The following ANGPTL5 variants were observed in gnomAD, a reference collection of about 807,000 sequenced individuals.
The protein encoded by ANGPTL5 is angiopoietin like 5.
In ANGPTL5, 34 loss-of-function variants were observed where a neutral mutation model predicts 39.4. The observed-to-expected ratio is 0.86, with a 90% CI of 0.66 to 1.15. The LOEUF (loss-of-function observed/expected upper bound fraction) is 1.15, where lower values mean the gene tolerates loss of function less well. Ranked by LOEUF, ANGPTL5 falls within the 50% of genes most tolerant of loss-of-function variation. ANGPTL5 has a pLI of 0.00. For synonymous variants in ANGPTL5, 146 were observed against 152.1 expected (o/e 0.96, Z 0.29); for missense variants, 467 against 457.5 (o/e 1.02, Z -0.19).
In ANGPTL5 at chr11:101,891,143, T is replaced by C. The variant is rs1226761667; in HGVS notation, c.*136A>G. 2.6e-6 allele frequency: 2 copies of C among 766,858 alleles called. No homozygotes were observed. The highest frequency in any genetic ancestry group is 2.0e-6 in the Non-Finnish European group (1 of 501,568). 47.5% of individuals were successfully genotyped at this position (766,858 alleles called of 1,614,324 possible). A position where few individuals can be genotyped will look rare whatever the true frequency, so the allele number is the denominator to read the frequency against. The stretch of plus-strand genomic sequence containing the variant: ...ATACTACAAAATTGAAGTTTTCTAA[T>C]TAAACTCATAACATCTAAATGCCAT... On this transcript the variant is annotated 3_prime_UTR_variant, in exon 9 of 9. Coordinates refer to ENST00000334289, the MANE Select transcript of ANGPTL5 (RefSeq NM_178127.5).
chr11:101,912,047 C>T (rs1940099935), intron 1 of ANGPTL5, among the ~76,000 whole-genome samples: 1 of 152,238 alleles, frequency 6.6e-6, no homozygotes, highest in South Asian at 2.1e-4. Context: ...CACTATCCCA[C>T]TTTCCATGTA....
At chr11:101,911,578 G>C (rs1055348452) in intron 1 of ANGPTL5, among the ~76,000 whole-genome samples, 1 of 152,066 alleles carries the variant, frequency 6.6e-6, no homozygotes, top group African/African-American at 2.4e-5. Context: ...AAAAGTGTGT[G>C]GCACCTCCCC....
At position 101,906,384 on chromosome 11, in the gene ANGPTL5, A is replaced by G. The variant is rs570439559; in HGVS notation, c.242-537T>C. On this transcript the variant is annotated intron_variant, in intron 3 of 8. Transcript: ENST00000334289. ...TTTGGTTTCTGACTAAACATTTACT[A>G]TACATTTTCCTTTTAAAAATGTTTT... is the stretch of plus-strand genomic sequence containing the variant. 1.6e-4 allele frequency among the ~76,000 whole-genome samples: 24 copies of G among 152,316 alleles called. No homozygotes were observed. In the East Asian group the frequency reaches 3.9e-3, roughly 24 times the overall value.
rs563470306 is a variant in ANGPTL5, at chr11:101,907,367, A to C, written c.97-120T>G. The C allele has an allele frequency of 6.3e-6, 4 of 633,026 alleles. No homozygotes were observed. In the East Asian group the frequency reaches 1.2e-4, roughly 19 times the overall value. The allele number at this position is 633,026 out of a possible 1,614,324, so 39.2% of individuals were successfully genotyped here. A position where few individuals can be genotyped will look rare whatever the true frequency, so the allele number is the denominator to read the frequency against. On this transcript the variant is annotated intron_variant, in intron 2 of 8. Coordinates refer to ENST00000334289, the MANE Select transcript of ANGPTL5 (RefSeq NM_178127.5). ...TTCAGGAAAGACAAGGCTGATCATT[A>C]GAGAGAAATATAAGCTATTTAATTC...
intron 1 of ANGPTL5, among the ~76,000 whole-genome samples, chr11:101,912,521 A>G (rs530000057): frequency 2.6e-5 from 4 of 152,356 alleles, no homozygotes; most frequent in Non-Finnish European, 5.9e-5. Context: ...CAACTTAAAT[A>G]GAATGTGGAA....
chr11:101,907,084 G>A lies in ANGPTL5; in HGVS notation c.241+19C>T. On this transcript the variant is annotated intron_variant, in intron 3 of 8. Coordinates refer to ENST00000334289, the MANE Select transcript of ANGPTL5 (RefSeq NM_178127.5). The stretch of plus-strand genomic sequence containing the variant: ...ATGAATCATATACTCTTATTATTTT[G>A]TTTATTTTTAATACTTACTACACAT... 6.7e-7 allele frequency: 1 copy of A among 1,492,934 alleles called. No individual in the cohort carries two copies. Among genetic ancestry groups the A allele is most frequent in the Non-Finnish European group, 9.2e-7 (1 of 1,084,186 alleles). The allele number at this position is 1,492,934 out of a possible 1,614,324, so 92.5% of individuals were successfully genotyped here. A position where few individuals can be genotyped will look rare whatever the true frequency, so the allele number is the denominator to read the frequency against.
At chr11:101,909,137 C>T (rs1940049959) in intron 1 of ANGPTL5, among the ~76,000 whole-genome samples, 1 of 152,194 alleles carries the variant, frequency 6.6e-6, no homozygotes, top group Non-Finnish European at 1.5e-5. Flanking sequence ...GACTGATACA[C>T]AAGAGGCACT....
At chr11:101,894,811 A>T in intron 8 of ANGPTL5, 68 bp downstream of exon 8, 1 of 1,373,598 alleles carries the variant, frequency 7.3e-7, no homozygotes, top group Non-Finnish European at 1.0e-6. Context: ...CATTATTTTT[A>T]TCTTCACTTA....
chr11:101,906,668 T>A (rs1348660565), intron 3 of ANGPTL5, among the ~76,000 whole-genome samples: 1 of 152,146 alleles, frequency 6.6e-6, no homozygotes, highest in African/African-American at 2.4e-5. Flanking sequence ...CACACACTAT[T>A]ACGTATGTTA....
chr11:101,903,373 A>G (rs1346818845), intron 5 of ANGPTL5, among the ~76,000 whole-genome samples: 2 of 152,148 alleles, frequency 1.3e-5, no homozygotes, highest in African/African-American at 4.8e-5. Context: ...TATGGATATT[A>G]CATTTTCTGG....
Position 101,902,714 on chromosome 11 carries a change from A to C in ANGPTL5, c.447T>G (p.Asp149Glu), listed in dbSNP as rs1198414610. The change falls in exon 6 of 9, where the codon GAT (aspartate) becomes GAG (glutamate). Residue 149 changes from aspartate (D) to glutamate (E), a missense_variant. Coordinates refer to ENST00000334289, the MANE Select transcript of ANGPTL5 (RefSeq NM_178127.5). ...CAATGGTATCCTTAATATCAGTGCAATCTAAACCTAGAAAAGCAAAATTAT... is the reference window on the plus strand; with the variant it reads ...CAATGGTATCCTTAATATCAGTGCACTCTAAACCTAGAAAAGCAAAATTAT... ...PHRPVQSHGL[D>E]CTDIKDTIGS... is the part of the protein sequence containing the mutation. 2 of 1,607,202 alleles carry C rather than the reference A, an allele frequency of 1.2e-6. No individual in the cohort carries two copies. The highest frequency in any genetic ancestry group is 1.7e-5 in the Admixed American group (1 of 59,916).
At position 101,907,253 on chromosome 11, in the gene ANGPTL5, T is replaced by C. The variant is rs150230821; in HGVS notation, c.97-6A>G. 3 of 1,431,962 alleles carry C rather than the reference T, an allele frequency of 2.1e-6. No homozygotes were observed. Among genetic ancestry groups the C allele is most frequent in the African/African-American group, 2.9e-5 (2 of 69,336 alleles). 88.7% of individuals were successfully genotyped at this position (1,431,962 alleles called of 1,614,324 possible). A position where few individuals can be genotyped will look rare whatever the true frequency, so the allele number is the denominator to read the frequency against. The stretch of plus-strand genomic sequence containing the variant: ...ATGTTAACTACTGAAGAGTCCTTTA[T>C]ATTAAAAAATAGAAATAAGAAAAAA... On this transcript the variant is annotated splice_region_variant and splice_polypyrimidine_tract_variant and intron_variant, in intron 2 of 8. Transcript: ENST00000334289.
chr11:101,904,718 G>T, intron 5 of ANGPTL5, 96 bp downstream of exon 5: 1 of 1,131,186 alleles, frequency 8.8e-7, no homozygotes, highest in Non-Finnish European at 1.3e-6. Context: ...GTGAGCTGTA[G>T]TTTTTAAATA....
In ANGPTL5 at chr11:101,891,594, A is replaced by C; in HGVS notation, c.852T>G (p.Asp284Glu). 1 of 1,613,838 alleles carries C rather than the reference A, an allele frequency of 6.2e-7. No homozygotes were observed. Among genetic ancestry groups the C allele is most frequent in the Non-Finnish European group, 8.5e-7 (1 of 1,179,886 alleles). ...HLGRYSGNAG[D>E]AFRGLKKEDN... is the part of the protein sequence containing the mutation. ...CTTCTTTTTTGAGACCCCGGAATGC[A>C]TCACCTGGGAAAAAAATTTTTAATG... is the stretch of plus-strand genomic sequence containing the variant. The change falls in exon 9 of 9, where the codon GAT (aspartate) becomes GAG (glutamate). Residue 284 changes from aspartate (D) to glutamate (E), a missense_variant. Coordinates refer to ENST00000334289, the MANE Select transcript of ANGPTL5 (RefSeq NM_178127.5).
rs1565336583 is a variant in ANGPTL5 at position 101,891,348 on chromosome 11, G to A, written c.1098C>T (p.Asn366=). The A allele has an allele frequency of 1.2e-6, 2 of 1,613,972 alleles. No individual in the cohort carries two copies. The change falls in exon 9 of 9, where the codon AAC becomes AAT. Residue 366 remains asparagine (N), a synonymous_variant. Transcript: ENST00000334289. ...TGIQWGTWTK[N]NSPVKIKSVS... ...CAGATTTAATCTTGACAGGTGAGTTGTTTTTGGTCCACGTGCCCCATTGAA... is the reference window on the plus strand; with the variant it reads ...CAGATTTAATCTTGACAGGTGAGTTATTTTTGGTCCACGTGCCCCATTGAA...
chr11:101,909,309 C>G (rs1387288158), intron 1 of ANGPTL5, among the ~76,000 whole-genome samples: 1 of 152,168 alleles, frequency 6.6e-6, no homozygotes, highest in Non-Finnish European at 1.5e-5. Context: ...GTTGGGAGTG[C>G]CGGCTCCAAG....
At chr11:101,910,885 T>C (rs1368200061) in intron 1 of ANGPTL5, among the ~76,000 whole-genome samples, 1 of 152,098 alleles carries the variant, frequency 6.6e-6, no homozygotes, top group Non-Finnish European at 1.5e-5. Context: ...CCACAACAAC[T>C]AGAGGGTCTC....
rs546596108 is a variant in ANGPTL5 at position 101,904,850 on chromosome 11, G to C, written c.403C>G (p.Leu135Val). Residue 135 changes from leucine (L) to valine (V), a missense_variant, in exon 5 of 9, where the codon CTG (leucine) becomes GTG (valine). Transcript: ENST00000334289. Reference sequence around the variant, plus strand: ...ACAGGTCTGTGAGGAAAAGGATCCAGCTGTTTTCTAAAAACTTCTGTAGTC... The same window carrying C: ...ACAGGTCTGTGAGGAAAAGGATCCACCTGTTTTCTAAAAACTTCTGTAGTC... ...LLTTEVFRKQ[L>V]DPFPHRPVQS... 1.7e-5 allele frequency: 28 copies of C among 1,613,702 alleles called. No homozygotes were observed. In the South Asian group the frequency reaches 2.6e-4, roughly 15 times the overall value.
chr11:101,892,461 C>A (rs192268825), intron 8 of ANGPTL5, among the ~76,000 whole-genome samples: 1 of 152,228 alleles, frequency 6.6e-6, no homozygotes, highest in Non-Finnish European at 1.5e-5. Flanking sequence ...GACCTCCTGA[C>A]CTCAAGTGAT....
Sources: allele counts gnomAD v4.1 joint callset (sites outside exome capture counted in the v4.1 genomes callset), GRCh38; gene constraint gnomAD v4.1.1; transcripts MANE v1.5; gene names NCBI Gene and HGNC (gene_info 2026-07-23, HGNC 2026-07-21).